TBC1D32: variants seen among roughly 807,000 people sequenced by gnomAD.
The protein encoded by TBC1D32 is TBC1 domain family member 32, also known as protein broad-minded.
A neutral mutation model predicts 170.3 loss-of-function variants in TBC1D32; 151 were observed. The ratio of observed to expected loss-of-function variants is 0.89; its 90% CI spans 0.78 to 1.01. TBC1D32 has a LOEUF of 1.01. TBC1D32 is among the 50% of genes least tolerant of loss of function. TBC1D32 has a pLI of 0.00. For missense variants in TBC1D32, 1,464 were observed against 1,457.1 expected, an observed-to-expected ratio of 1.00 and a Z score of -0.08; for synonymous variants, 498 against 488.0, an observed-to-expected ratio of 1.02 and a Z score of -0.27.
chr6:121,250,239 G>A (rs1798122287), intron 17 of TBC1D32, among the ~76,000 whole-genome samples: 1 of 151,982 alleles, frequency 6.6e-6, no homozygotes, highest in South Asian at 2.1e-4. Context: ...CATTTTATGA[G>A]GCCAGCATCA....
At chr6:121,297,793 T>A (rs1030025890) in intron 10 of TBC1D32, among the ~76,000 whole-genome samples, 6 of 152,132 alleles carry the variant, frequency 3.9e-5, no homozygotes, top group African/African-American at 1.4e-4. Context: ...ATACAGTTTC[T>A]CATTTACTCT....
chr6:121,270,835 T>C (rs1801297069), intron 15 of TBC1D32, among the ~76,000 whole-genome samples: 2 of 152,158 alleles, frequency 1.3e-5, no homozygotes, highest in Admixed American at 1.3e-4. Context: ...CCAATATTCC[T>C]GATGAACATC....
chr6:121,316,135 G>T (rs1054359921), intron 3 of TBC1D32, among the ~76,000 whole-genome samples: 1 of 152,048 alleles, frequency 6.6e-6, no homozygotes, highest in African/African-American at 2.4e-5. Context: ...CCAAAGCTTT[G>T]CATTTTTCAA....
At chr6:121,145,070 A>C (rs921658628) in intron 24 of TBC1D32, among the ~76,000 whole-genome samples, 1 of 152,178 alleles carries the variant, frequency 6.6e-6, no homozygotes, top group African/African-American at 2.4e-5. Context: ...GGTCCAAGAG[A>C]GAATGGAAAG....
chr6:121,133,145 T>C lies in TBC1D32; in HGVS notation c.2774-1393A>G, dbSNP rs370727803. 6.9e-4 allele frequency among the ~76,000 whole-genome samples: 105 copies of C among 152,050 alleles called. No individual in the cohort carries two copies. In the East Asian group the frequency reaches 0.014, roughly 21 times the overall value. On this transcript the variant is annotated intron_variant, in intron 24 of 31. Transcript: ENST00000398212. ...ACAAAATCATCTACCTAAGCTCTAT[T>C]TTAGGTTAATTAACCCCACCAGCAA... is the stretch of plus-strand genomic sequence containing the variant.
chr6:121,241,315 C>T lies in TBC1D32; in HGVS notation c.2245+150G>A, dbSNP rs1456756831. Reference sequence around the variant, plus strand: ...GGAAAAAGAAAGACAAAAAGAAAATCCTGTAACTTTCTTTTACATAAGGTC... The same window carrying T: ...GGAAAAAGAAAGACAAAAAGAAAATTCTGTAACTTTCTTTTACATAAGGTC... On this transcript the variant is annotated intron_variant, in intron 19 of 31. Coordinates refer to ENST00000398212, the MANE Select transcript of TBC1D32 (RefSeq NM_152730.6). 13 of 653,356 alleles carry T rather than the reference C, an allele frequency of 2.0e-5. No individual in the cohort carries two copies. The East Asian group carries it at 2.8e-4, about 14-fold the overall frequency. 40.5% of individuals were successfully genotyped at this position (653,356 alleles called of 1,614,324 possible). A position where few individuals can be genotyped will look rare whatever the true frequency, so the allele number is the denominator to read the frequency against.
In TBC1D32 at chr6:121,318,712, CAT is replaced by C. The variant is rs552407823; in HGVS notation, c.318-1042_318-1041del. On this transcript the variant is annotated intron_variant, in intron 2 of 31. Transcript: ENST00000398212. ...TCATATGACTATAGCAAGAAATAAA[CAT>C]ATGTTTATGTGTATATATATATATA... Among the ~76,000 whole-genome samples, 259 of 150,828 alleles carry C rather than the reference CAT, an allele frequency of 1.7e-3. 5 individuals carry two copies. The highest frequency in any genetic ancestry group is 9.1e-3 in the Admixed American group (137 of 14,998).
intron 15 of TBC1D32, among the ~76,000 whole-genome samples, chr6:121,259,391 A>C (rs1212818502): frequency 6.6e-6 from 1 of 152,158 alleles, no homozygotes; most frequent in Non-Finnish European, 1.5e-5. Flanking sequence ...TCTATATAGA[A>C]AAAAACACTT....
intron 18 of TBC1D32, among the ~76,000 whole-genome samples, chr6:121,241,913 C>A (rs1457280016): frequency 6.6e-6 from 1 of 152,110 alleles, no homozygotes. Flanking sequence ...GAAATTCACC[C>A]AGTTTCACTA....
intron 4 of TBC1D32, among the ~76,000 whole-genome samples, chr6:121,309,903 G>A (rs938339570): frequency 7.9e-5 from 12 of 151,970 alleles, no homozygotes; most frequent in Admixed American, 3.3e-4. Context: ...GTGCAGTGGC[G>A]TGCATCTGTA....
intron 15 of TBC1D32, among the ~76,000 whole-genome samples, chr6:121,275,128 G>A (rs551349626): frequency 6.6e-6 from 1 of 152,178 alleles, no homozygotes; most frequent in African/African-American, 2.4e-5. Flanking sequence ...GATGGAGAAT[G>A]AAGGAACTAG....
rs561339607 is a variant in TBC1D32 at position 121,269,869 on chromosome 6, A to T, written c.1733+9252T>A. Among the ~76,000 whole-genome samples the T allele has an allele frequency of 7.6e-3, 1,157 of 152,162 alleles. 20 individuals carry two copies. The highest frequency in any genetic ancestry group is 0.027 in the African/African-American group (1,104 of 41,494). On this transcript the variant is annotated intron_variant, in intron 15 of 31. Coordinates refer to ENST00000398212, the MANE Select transcript of TBC1D32 (RefSeq NM_152730.6). ...TTGACCACATAGTTGGAAGTAAAGC[A>T]CTCCTCAGGAAATGTAAAAGAACAG...
At chr6:121,147,824 T>C (rs1273710) in intron 24 of TBC1D32, among the ~76,000 whole-genome samples, 144,338 of 152,050 alleles carry the variant, frequency 0.95, 68,921 homozygotes, top group Non-Finnish European at 1. Flanking sequence ...GATCTCCTGA[T>C]CTCAGGATCG....
Position 121,304,255 on chromosome 6 carries a change from TC to T in TBC1D32, c.935+109del, listed in dbSNP as rs1157452860. 4.4e-6 allele frequency: 4 copies of T among 915,570 alleles called. No homozygotes were observed. In the South Asian group the frequency reaches 6.2e-5, roughly 14 times the overall value. The allele number at this position is 915,570 out of a possible 1,614,324, so 56.7% of individuals were successfully genotyped here. On this transcript the variant is annotated intron_variant, in intron 8 of 31. Transcript: ENST00000398212. ...AAAAATAAAAATTTTATTAATCCCT[TC>T]CCAATCAGGTAAGTCCATTAAGACT...
At chr6:121,304,220 G>C (rs74613655) in intron 8 of TBC1D32, 145 bp downstream of exon 8, 17,372 of 610,478 alleles carry the variant, frequency 0.028, 724 homozygotes, top group East Asian at 0.15. Context: ...ATGACAAGCT[G>C]AAGAAAAATA....
chr6:121,232,790 G>A (rs549431812), intron 20 of TBC1D32, among the ~76,000 whole-genome samples: 1 of 151,852 alleles, frequency 6.6e-6, no homozygotes, highest in East Asian at 1.9e-4. Flanking sequence ...TGTTTCTCTA[G>A]TTCCATGAGT....
chr6:121,130,125 C>A lies in TBC1D32; in HGVS notation c.2899+1502G>T, dbSNP rs575954857. Among the ~76,000 whole-genome samples the A allele has an allele frequency of 9.5e-4, 144 of 152,044 alleles. 4 individuals are homozygous for A. In the South Asian group the frequency reaches 0.027, roughly 29 times the overall value. On this transcript the variant is annotated intron_variant, in intron 25 of 31. Transcript: ENST00000398212. ...GCTCATTGCTAGAGACGAGATTTTGCCCCAAAACTATAGCCCATAAAAAGG... is the reference window on the plus strand; with the variant it reads ...GCTCATTGCTAGAGACGAGATTTTGACCCAAAACTATAGCCCATAAAAAGG...
chr6:121,294,883 T>C (rs1805387490), intron 10 of TBC1D32, among the ~76,000 whole-genome samples: 1 of 152,182 alleles, frequency 6.6e-6, no homozygotes, highest in Non-Finnish European at 1.5e-5. Flanking sequence ...ACAAATATGA[T>C]AATGTTATAA....
chr6:121,159,685 A>C (rs1220528203), intron 24 of TBC1D32, among the ~76,000 whole-genome samples: 1 of 152,158 alleles, frequency 6.6e-6, no homozygotes, highest in African/African-American at 2.4e-5. Flanking sequence ...ACTGTACTGA[A>C]TACTGTAGGC....
Sources: allele counts gnomAD v4.1 joint callset (sites outside exome capture counted in the v4.1 genomes callset), GRCh38; gene constraint gnomAD v4.1.1; transcripts MANE v1.5; gene names NCBI Gene and HGNC (gene_info 2026-07-23, HGNC 2026-07-21).